Variants in SETBP1 observed in about 807,000 individuals in gnomAD.
The protein encoded by SETBP1 is SET-binding protein.
Under a neutral mutation model 101.0 loss-of-function variants are expected in SETBP1, and 9 were observed. That is an observed-to-expected ratio of 0.09 (90% confidence interval 0.05 to 0.16). The LOEUF is 0.16. Ranked by LOEUF, SETBP1 falls within the 10% of genes least tolerant of loss-of-function variation. SETBP1 has a pLI of 1.00. For missense variants in SETBP1, 1,858 were observed against 2,033.8 expected (o/e 0.91, Z 1.66); for synonymous variants, 818 against 788.5 (o/e 1.04, Z -0.63).
chr18:44,696,658 C>T (rs958809764), intron 1 of SETBP1, among the ~76,000 whole-genome samples: 3 of 152,122 alleles, frequency 2.0e-5, no homozygotes, highest in Admixed American at 1.3e-4. Context: ...TTGGAGTGTA[C>T]CCATAGGTCT....
chr18:44,738,286 C>G (rs1463629521), intron 2 of SETBP1, among the ~76,000 whole-genome samples: 1 of 152,204 alleles, frequency 6.6e-6, no homozygotes, highest in East Asian at 1.9e-4. Flanking sequence ...ATGTTGACAT[C>G]TCTTTCCACT....
At chr18:44,825,059 G>A (rs1258105599) in intron 2 of SETBP1, among the ~76,000 whole-genome samples, 2 of 152,224 alleles carry the variant, frequency 1.3e-5, no homozygotes, top group African/African-American at 2.4e-5. Context: ...CTTCTGCTTA[G>A]GAACTTGCTG....
At chr18:44,768,246 C>A (rs895358744) in intron 2 of SETBP1, among the ~76,000 whole-genome samples, 1 of 152,092 alleles carries the variant, frequency 6.6e-6, no homozygotes, top group Admixed American at 6.5e-5. Flanking sequence ...TTCTTCTGAC[C>A]CCACTCTAAC....
chr18:44,910,232 A>G (rs2070274578), intron 3 of SETBP1, among the ~76,000 whole-genome samples: 2 of 152,218 alleles, frequency 1.3e-5, no homozygotes, highest in South Asian at 2.1e-4. Flanking sequence ...TGTAACCATC[A>G]TACACATTGC....
chr18:44,802,819 G>A (rs1216950966), intron 2 of SETBP1, among the ~76,000 whole-genome samples: 3 of 152,084 alleles, frequency 2.0e-5, no homozygotes, highest in East Asian at 3.9e-4. Flanking sequence ...AGTAATAGCA[G>A]GTCTTCATTT....
At chr18:44,893,053 A>G (rs2069809212) in intron 3 of SETBP1, among the ~76,000 whole-genome samples, 1 of 152,186 alleles carries the variant, frequency 6.6e-6, no homozygotes, top group Admixed American at 6.6e-5. Flanking sequence ...TAGGATTATG[A>G]TGACTATTTT....
chr18:44,953,124 A>C lies in SETBP1; in HGVS notation c.3784A>C (p.Arg1262=), dbSNP rs1568238165. The change falls in exon 4 of 6, where the codon AGA becomes CGA. Residue 1262 remains arginine (R), a synonymous_variant. Transcript: ENST00000649279. The part of the protein sequence containing the change: ...SSEPVDSCTK[R]YSGSGGDGGS... ...TGAGCCTGTGGACTCATGCACGAAA[A>C]GATACTCTGGCAGTGGCGGGGATGG... is the stretch of plus-strand genomic sequence containing the variant. The C allele has an allele frequency of 6.2e-7, 1 of 1,614,186 alleles. No individual in the cohort carries two copies. Among genetic ancestry groups the C allele is most frequent in the Non-Finnish European group, 8.5e-7 (1 of 1,180,042 alleles).
chr18:44,765,492 T>C (rs1174429686), intron 2 of SETBP1, among the ~76,000 whole-genome samples: 1 of 152,204 alleles, frequency 6.6e-6, no homozygotes, highest in Non-Finnish European at 1.5e-5. Context: ...TTTTGTTTTG[T>C]TTTAATGTGA....
chr18:44,879,574 A>G (rs1380797105), intron 3 of SETBP1, among the ~76,000 whole-genome samples: 1 of 152,216 alleles, frequency 6.6e-6, no homozygotes, highest in Non-Finnish European at 1.5e-5. Context: ...ATATTACTAG[A>G]GTTTGGGATT....
chr18:44,967,768 T>C (rs2071752124), intron 4 of SETBP1, among the ~76,000 whole-genome samples: 1 of 152,168 alleles, frequency 6.6e-6, no homozygotes, highest in African/African-American at 2.4e-5. Flanking sequence ...GTCAAATCAC[T>C]ATGAGTCTTA....
intron 5 of SETBP1, among the ~76,000 whole-genome samples, chr18:45,051,142 G>T (rs911725499): frequency 1.3e-5 from 2 of 152,058 alleles, no homozygotes; most frequent in African/African-American, 2.4e-5. Context: ...TCCACGCATT[G>T]TAACTTGGAT....
At chr18:44,846,975 C>G (rs956971588) in intron 2 of SETBP1, among the ~76,000 whole-genome samples, 1 of 152,132 alleles carries the variant, frequency 6.6e-6, no homozygotes, top group Non-Finnish European at 1.5e-5. Context: ...GCAGAGAGCT[C>G]TATAATGGCA....
chr18:44,933,726 C>T (rs953015496), intron 3 of SETBP1, among the ~76,000 whole-genome samples: 10 of 152,190 alleles, frequency 6.6e-5, no homozygotes, highest in Admixed American at 6.5e-5. Flanking sequence ...AGTGAGGCTC[C>T]GTGGGTGTGG....
intron 1 of SETBP1, among the ~76,000 whole-genome samples, chr18:44,699,918 G>T (rs916322740): frequency 6.6e-6 from 1 of 152,134 alleles, no homozygotes; most frequent in Non-Finnish European, 1.5e-5. Context: ...TGCAGGCATC[G>T]TTGGGCATTT....
intron 3 of SETBP1, among the ~76,000 whole-genome samples, chr18:44,907,399 T>A (rs2070199924): frequency 6.6e-6 from 1 of 152,182 alleles, no homozygotes; most frequent in African/African-American, 2.4e-5. Flanking sequence ...TATGTGGTAA[T>A]TTTACACTTA....
rs1337497038 is a variant in SETBP1 at position 44,727,735 on chromosome 18, A to G, written c.486+25903A>G. ...GAGTTTCCTCACAGACATTTAGCCA[A>G]TCTCCTTGGTGCTTTGTGGGTGGCC... On this transcript the variant is annotated intron_variant, in intron 2 of 5. Coordinates refer to ENST00000649279, the MANE Select transcript of SETBP1 (RefSeq NM_015559.3). Among the ~76,000 whole-genome samples the G allele has an allele frequency of 2.6e-5, 4 of 152,160 alleles. No individual in the cohort carries two copies. In the East Asian group the frequency reaches 7.7e-4, roughly 29 times the overall value.
intron 5 of SETBP1, among the ~76,000 whole-genome samples, chr18:45,045,667 T>G (rs2073597891): frequency 6.6e-6 from 1 of 152,140 alleles, no homozygotes; most frequent in Non-Finnish European, 1.5e-5. Context: ...TGTTGAAATC[T>G]CAGTGCTCCA....
chr18:45,024,000 T>C (rs1376140928), intron 4 of SETBP1, among the ~76,000 whole-genome samples: 3 of 152,226 alleles, frequency 2.0e-5, no homozygotes, highest in Admixed American at 6.5e-5. Flanking sequence ...GGCATGGCCT[T>C]ATCCACCAGC....
chr18:44,851,631 T>G (rs1228033162), intron 2 of SETBP1, among the ~76,000 whole-genome samples: 1 of 152,166 alleles, frequency 6.6e-6, no homozygotes, highest in Non-Finnish European at 1.5e-5. Flanking sequence ...TCTCTTTCCT[T>G]CCTTTTACAC....
Sources: allele counts gnomAD v4.1 joint callset (sites outside exome capture counted in the v4.1 genomes callset), GRCh38; gene constraint gnomAD v4.1.1; transcripts MANE v1.5; gene names NCBI Gene and HGNC (gene_info 2026-07-23, HGNC 2026-07-21).